PLG: variants seen among roughly 807,000 people sequenced by gnomAD.
The protein encoded by PLG is plasminogen, also known as plasmin.
PLG carries 41 observed loss-of-function variants against 104.4 expected under a neutral mutation model. The observed-to-expected ratio is 0.39, with a 90% CI of 0.31 to 0.51. The LOEUF is 0.51. PLG is among the 20% of genes least tolerant of loss of function. The pLI is 0.76. For missense variants in PLG, 891 were observed against 1,003.6 expected (o/e 0.89, Z 1.52); for synonymous variants, 337 against 357.1 (o/e 0.94, Z 0.63).
intron 10 of PLG, among the ~76,000 whole-genome samples, chr6:160,727,357 C>T (rs1333781032): frequency 6.8e-6 from 1 of 148,122 alleles, no homozygotes; most frequent in Non-Finnish European, 1.5e-5. Flanking sequence ...CAGATGGCAT[C>T]ATTAGAAATG....
chr6:160,725,144 G>C lies in PLG; in HGVS notation c.1256+2577G>C, dbSNP rs139802421. Among the ~76,000 whole-genome samples the C allele has an allele frequency of 7.2e-3, 1,100 of 152,210 alleles. 9 individuals carry two copies. The highest frequency in any genetic ancestry group is 0.011 in the Non-Finnish European group (779 of 68,022). On this transcript the variant is annotated intron_variant, in intron 10 of 18. Coordinates refer to ENST00000308192, the MANE Select transcript of PLG (RefSeq NM_000301.5). The surrounding 1 kb of genome is among the most constrained non-coding windows in gnomAD (Gnocchi z 6.3). The stretch of plus-strand genomic sequence containing the variant: ...GCAGGAGAATCACTTGAACCCAGGA[G>C]GTGGAGGTTGCAGTGAGCTGAGATC...
At chr6:160,709,165 A>T (rs895328304) in intron 3 of PLG, among the ~76,000 whole-genome samples, 3 of 152,186 alleles carry the variant, frequency 2.0e-5, no homozygotes, top group Non-Finnish European at 2.9e-5. Flanking sequence ...TCTGATGGGT[A>T]CATACAAAAA....
Position 160,738,997 on chromosome 6 carries a change from A to C in PLG, c.1878-71A>C. ...CCAAGGGTGTCAGGGAGACAGCACCAATTTCATGGCACAGAGGTTACCTGA... is the reference window on the plus strand; with the variant it reads ...CCAAGGGTGTCAGGGAGACAGCACCCATTTCATGGCACAGAGGTTACCTGA... On this transcript the variant is annotated intron_variant, in intron 15 of 18. Coordinates refer to ENST00000308192, the MANE Select transcript of PLG (RefSeq NM_000301.5). This position sits in a 1 kb window ranked among gnomAD's most constrained non-coding sequence, Gnocchi z 6.8. 6.3e-7 allele frequency: 1 copy of C among 1,589,722 alleles called. No individual in the cohort carries two copies. The highest frequency in any genetic ancestry group is 1.1e-5 in the South Asian group (1 of 90,514).
chr6:160,752,589 A>G lies in PLG; in HGVS notation c.2272-311A>G, dbSNP rs112928952. On this transcript the variant is annotated intron_variant, in intron 18 of 18. Transcript: ENST00000308192. The surrounding 1 kb of genome is among the most constrained non-coding windows in gnomAD (Gnocchi z 4.7). ...GAAGGAGGTAGAGGATACAGGACAG[A>G]GACCAACTGCACACACTTTACACTG... Among the ~76,000 whole-genome samples, 3 of 152,276 alleles carry G rather than the reference A, an allele frequency of 2.0e-5. 1 individual carries two copies. The highest frequency in any genetic ancestry group is 7.2e-5 in the African/African-American group (3 of 41,542).
At chr6:160,718,127 C>T (rs922775706) in intron 7 of PLG, among the ~76,000 whole-genome samples, 167 bp from the exon 8 acceptor site, 1 of 152,200 alleles carries the variant, frequency 6.6e-6, no homozygotes, top group African/African-American at 2.4e-5. Flanking sequence ...TGACACGCAC[C>T]TGTAGTCTGA....
rs1481165714 is a variant in PLG, at chr6:160,732,993, C to T, written c.1588-1002C>T. The stretch of plus-strand genomic sequence containing the variant: ...TGGAAGTTGGACGTGGGGGGCTGAA[C>T]AGTTCCAACCCTGCAATCACATGGT... On this transcript the variant is annotated intron_variant, in intron 12 of 18. Coordinates refer to ENST00000308192, the MANE Select transcript of PLG (RefSeq NM_000301.5). This position sits in a 1 kb window ranked among gnomAD's most constrained non-coding sequence, Gnocchi z 4.5. Among the ~76,000 whole-genome samples the T allele has an allele frequency of 6.6e-6, 1 of 152,126 alleles. No homozygotes were observed. Among genetic ancestry groups the T allele is most frequent in the African/African-American group, 2.4e-5 (1 of 41,418 alleles).
intron 17 of PLG, among the ~76,000 whole-genome samples, chr6:160,747,316 T>C (rs1425171141): frequency 6.6e-6 from 1 of 152,228 alleles, no homozygotes. Context: ...TAATACATTT[T>C]AGGGATTCTT....
At chr6:160,751,766 A>C (rs562658345) in intron 17 of PLG, among the ~76,000 whole-genome samples, 1 of 152,388 alleles carries the variant, frequency 6.6e-6, no homozygotes, top group African/African-American at 2.4e-5. Flanking sequence ...TTAGTAAAAG[A>C]AGCATATTAA....
At chr6:160,716,250 G>A (rs1777727795) in intron 6 of PLG, among the ~76,000 whole-genome samples, 1 of 152,246 alleles carries the variant, frequency 6.6e-6, no homozygotes, top group Non-Finnish European at 1.5e-5. Flanking sequence ...TGGCCAAAAT[G>A]ATAAGGTCAC....
At chr6:160,730,707 G>T in intron 10 of PLG, 1 of 270,752 alleles carries the variant, frequency 3.7e-6, no homozygotes, top group South Asian at 4.4e-5. Context: ...TATAAAATAT[G>T]CACTTTAAAA....
intron 9 of PLG, 91 bp downstream of exon 9, chr6:160,718,929 T>A: frequency 8.9e-7 from 1 of 1,126,660 alleles, no homozygotes; most frequent in Non-Finnish European, 1.4e-6. Flanking sequence ...AGTAGCTTTG[T>A]AAGTTTAATG....
intron 12 of PLG, among the ~76,000 whole-genome samples, chr6:160,733,309 C>A (rs886306796): frequency 6.6e-6 from 1 of 152,170 alleles, no homozygotes; most frequent in Non-Finnish European, 1.5e-5. Flanking sequence ...TAGGAGAGCG[C>A]TGAGCCCTCC....
At chr6:160,707,513 C>T (rs578072139) in intron 2 of PLG, among the ~76,000 whole-genome samples, 187 bp from the exon 3 acceptor site, 1 of 152,124 alleles carries the variant, frequency 6.6e-6, no homozygotes, top group Non-Finnish European at 1.5e-5. Flanking sequence ...AGATTTGCTG[C>T]CACGTTGGTG....
chr6:160,704,619 C>G (rs1777484062), intron 1 of PLG, among the ~76,000 whole-genome samples: 1 of 152,190 alleles, frequency 6.6e-6, no homozygotes, highest in Admixed American at 6.5e-5. Context: ...CCTAAAGCAT[C>G]TATTTCTTTG....
Position 160,725,776 on chromosome 6 carries a change from A to G in PLG, c.1256+3209A>G, listed in dbSNP as rs929060908. Among the ~76,000 whole-genome samples, 1 of 152,176 alleles carries G rather than the reference A, an allele frequency of 6.6e-6. No homozygotes were observed. The highest frequency in any genetic ancestry group is 1.5e-5 in the Non-Finnish European group (1 of 68,010). The stretch of plus-strand genomic sequence containing the variant: ...AACCAAGTGTGGAAAATGACATATC[A>G]TGAAAATAAGAATCAGAAGAAAGCT... On this transcript the variant is annotated intron_variant, in intron 10 of 18. Coordinates refer to ENST00000308192, the MANE Select transcript of PLG (RefSeq NM_000301.5). The surrounding 1 kb of genome is among the most constrained non-coding windows in gnomAD (Gnocchi z 6.3).
At position 160,740,127 on chromosome 6, in the gene PLG, G is replaced by T. The variant is rs1022543496; in HGVS notation, c.2018+919G>T. On this transcript the variant is annotated intron_variant, in intron 16 of 18. Coordinates refer to ENST00000308192, the MANE Select transcript of PLG (RefSeq NM_000301.5). The surrounding 1 kb of genome is among the most constrained non-coding windows in gnomAD (Gnocchi z 5.2). ...GAGCATGGCCTGGATGAGAAGGCACGGGGCAGGAGCCTGAGCTGCTCTCCT... is the reference window on the plus strand; with the variant it reads ...GAGCATGGCCTGGATGAGAAGGCACTGGGCAGGAGCCTGAGCTGCTCTCCT... 6.6e-6 allele frequency among the ~76,000 whole-genome samples: 1 copy of T among 152,296 alleles called. No homozygotes were observed. Among genetic ancestry groups the T allele is most frequent in the East Asian group, 1.9e-4 (1 of 5,172 alleles).
In PLG at chr6:160,752,893, T is replaced by C. The variant is rs1452622870; in HGVS notation, c.2272-7T>C. ...CCTCACATGCATTTTTCTCTCCCTCTGTATAGGGTGACAGTGGAGGTCCTC... is the reference window on the plus strand; with the variant it reads ...CCTCACATGCATTTTTCTCTCCCTCCGTATAGGGTGACAGTGGAGGTCCTC... On this transcript the variant is annotated splice_region_variant and splice_polypyrimidine_tract_variant and intron_variant, in intron 18 of 18. Coordinates refer to ENST00000308192, the MANE Select transcript of PLG (RefSeq NM_000301.5). The surrounding 1 kb of genome is among the most constrained non-coding windows in gnomAD (Gnocchi z 4.7). 6.2e-7 allele frequency: 1 copy of C among 1,613,674 alleles called. No homozygotes were observed. Among genetic ancestry groups the C allele is most frequent in the South Asian group, 1.1e-5 (1 of 91,068 alleles).
Position 160,741,634 on chromosome 6 carries a change from C to T in PLG, c.2125+217C>T, listed in dbSNP as rs1562381503. ...TGTCTTTGAGTCTCTCTCTCTCTCT[C>T]TGTTTTCAGAACATTTTTATTTCAA... On this transcript the variant is annotated intron_variant, in intron 17 of 18. Transcript: ENST00000308192. The surrounding 1 kb of genome is among the most constrained non-coding windows in gnomAD (Gnocchi z 4.7). 6.6e-6 allele frequency among the ~76,000 whole-genome samples: 1 copy of T among 152,070 alleles called. No homozygotes were observed. Among genetic ancestry groups the T allele is most frequent in the African/African-American group, 2.4e-5 (1 of 41,308 alleles).
At chr6:160,730,988 G>A (rs779579435) in intron 10 of PLG, 63 bp from the exon 11 acceptor site, 1 of 1,495,930 alleles carries the variant, frequency 6.7e-7, no homozygotes, top group South Asian at 1.1e-5. Context: ...AAATGTAGAG[G>A]GTGCTGGGTG....
Sources: gnomAD v4.1 joint callset for allele counts (sites outside exome capture counted in the v4.1 genomes callset) on GRCh38, gnomAD v4.1.1 for gene constraint, Gnocchi (gnomAD v3.1) non-coding constraint, MANE v1.5 for transcripts, NCBI Gene and HGNC (gene_info 2026-07-23, HGNC 2026-07-21) for gene names.